The following VIRMA variants were observed in gnomAD, a reference collection of about 807,000 sequenced individuals.
The protein encoded by VIRMA is protein virilizer homolog.
In VIRMA, 65 loss-of-function variants were observed where a neutral mutation model predicts 182.4. That is an observed-to-expected ratio of 0.36 (90% CI 0.29 to 0.44). The LOEUF is 0.44. VIRMA is among the 20% of genes least tolerant of loss of function. The probability of loss-of-function intolerance (pLI) is 1.00; values close to 1 mark genes in which losing one functional copy is unlikely to be tolerated. For synonymous variants in VIRMA, 709 were observed against 743.1 expected (o/e 0.95, Z 0.75); for missense variants, 1,752 against 2,158.1 (o/e 0.81, Z 3.73).
At chr8:94,511,886 TA>T (rs1814392354) in intron 12 of VIRMA, 109 bp downstream of exon 12, 1 of 664,948 alleles carries the variant, frequency 1.5e-6, no homozygotes, top group South Asian at 5.3e-5. Flanking sequence ...TTTAAAATGA[TA>T]TTTTTCATTA....
Position 94,553,457 on chromosome 8 carries a change from G to C in VIRMA, c.-10C>G, listed in dbSNP as rs1312699059. ...CCGAGTCCACCGCCATGTTTGCCGC[G>C]GGCGGGGAACAGGGGGGAGGACTTC... On this transcript the variant is annotated 5_prime_UTR_variant, in exon 1 of 24. Coordinates refer to ENST00000297591, the MANE Select transcript of VIRMA (RefSeq NM_015496.5). The C allele has an allele frequency of 2.5e-6, 4 of 1,613,960 alleles. No individual in the cohort carries two copies. The highest frequency in any genetic ancestry group is 3.4e-6 in the Non-Finnish European group (4 of 1,179,854).
chr8:94,488,750 CACTAACAA>C lies in VIRMA; in HGVS notation c.5387_5394del (p.Phe1796TrpfsTer5). On this transcript the variant is annotated frameshift_variant, in exon 24 of 24. Transcript: ENST00000297591. LOFTEE classifies it high-confidence loss of function. Reference sequence around the variant, plus strand: ...ACATGACGACCTCTACCACTGCCTCCACTAACAAACTTTCCTCTTGAGCCTCCACTGCC... The same window carrying C: ...ACATGACGACCTCTACCACTGCCTCCACTTTCCTCTTGAGCCTCCACTGCC... 1 of 1,614,202 alleles carries C rather than the reference CACTAACAA, an allele frequency of 6.2e-7. No individual in the cohort carries two copies. Among genetic ancestry groups the C allele is most frequent in the Non-Finnish European group, 8.5e-7 (1 of 1,180,044 alleles).
rs200148396 is a variant in VIRMA at position 94,526,206 on chromosome 8, A to G, written c.2021+17T>C. ...TGATTTGTGAAATTTATTTCCCAAA[A>G]GGCAAACATGTCTTACCTAAAGAGA... On this transcript the variant is annotated intron_variant, in intron 8 of 23. Transcript: ENST00000297591. The G allele has an allele frequency of 1.2e-3, 1,893 of 1,541,142 alleles. 1 individual carries two copies. The highest frequency in any genetic ancestry group is 1.6e-3 in the Non-Finnish European group (1,812 of 1,145,122).
chr8:94,494,795 TA>T, intron 20 of VIRMA, 64 bp downstream of exon 20: 1 of 975,066 alleles, frequency 1.0e-6, no homozygotes, highest in Non-Finnish European at 1.6e-6. Flanking sequence ...ATTATAATGC[TA>T]ACAATATATA....
intron 8 of VIRMA, among the ~76,000 whole-genome samples, chr8:94,520,185 C>CAAAAAAAAA (rs757063695): frequency 1.1e-4 from 9 of 82,978 alleles, no homozygotes; most frequent in African/African-American, 4.3e-4. Context: ...GACCCTGCAT[C>CAAAAAAAAA]AAAAAAAAAA....
At chr8:94,492,871 A>T (rs1813650904) in intron 20 of VIRMA, 53 bp from the exon 21 acceptor site, 1 of 1,364,202 alleles carries the variant, frequency 7.3e-7, no homozygotes, top group Non-Finnish European at 1.0e-6. Context: ...TATTAGCATA[A>T]CATTTGACTA....
rs1814333380 is a variant in VIRMA at position 94,510,639 on chromosome 8, T to C, written c.3404A>G (p.His1135Arg). ...GGTGTTGAGTGCCACTGATATATCA[T>C]GTGGCTCAATAACCTGTTAAAAAAG... Reference protein sequence around the residue: ...PMQTTQVIEPHDISVALNTRK... With the variant: ...PMQTTQVIEPRDISVALNTRK... Residue 1135 changes from histidine (H) to arginine (R), a missense_variant, in exon 14 of 24, where the codon CAT becomes CGT. His to Arg is a conservative substitution (Grantham distance 29, BLOSUM62 0). This residue lies in a region of VIRMA where 777 missense variants were observed against 920.6 expected (regional missense o/e 0.84). Coordinates refer to ENST00000297591, the MANE Select transcript of VIRMA (RefSeq NM_015496.5). 5.6e-6 allele frequency: 9 copies of C among 1,608,618 alleles called. No homozygotes were observed. The highest frequency in any genetic ancestry group is 2.2e-5 in the East Asian group (1 of 44,856).
chr8:94,531,195 G>C (rs1163313482), intron 5 of VIRMA, 110 bp from the exon 6 acceptor site: 1 of 1,191,248 alleles, frequency 8.4e-7, no homozygotes, highest in Non-Finnish European at 1.1e-6. Flanking sequence ...TTAAAGCAAA[G>C]AGAGATCTAA....
chr8:94,526,493 C>T lies in VIRMA; in HGVS notation c.1751G>A (p.Ser584Asn), dbSNP rs1216054608. The stretch of plus-strand genomic sequence containing the variant: ...AGCATCTGTGTCGTGATCAGGTTCA[C>T]TGTGGTTAGGAAGAGATGAAGTCTT... The part of the protein sequence containing the change: ...AEKTSSLPNH[S>N]EPDHDTDAGL... Residue 584 changes from serine (S) to asparagine (N), a missense_variant, in exon 8 of 24, where the codon AGT (serine) becomes AAT (asparagine). Ser to Asn is a conservative substitution (Grantham distance 46). Around this residue, in one of 11 missense-constraint regions of VIRMA, gnomAD observed 401 missense variants for 455.1 expected, o/e 0.88. Transcript: ENST00000297591. The T allele has an allele frequency of 1.2e-6, 2 of 1,613,630 alleles. No individual in the cohort carries two copies. Among genetic ancestry groups the T allele is most frequent in the African/African-American group, 2.7e-5 (2 of 74,848 alleles).
In VIRMA at chr8:94,526,326, T is replaced by C; in HGVS notation, c.1918A>G (p.Thr640Ala). 6.2e-7 allele frequency: 1 copy of C among 1,614,034 alleles called. No homozygotes were observed. The highest frequency in any genetic ancestry group is 1.7e-5 in the Admixed American group (1 of 60,014). ...LLEEVFHLME[T>A]APHTMIQQPV... ...TGTTGGATCATTGTATGAGGGGCAG[T>C]TTCCATTAAATGAAAAACTTCTTCT... is the stretch of plus-strand genomic sequence containing the variant. Residue 640 changes from threonine (T) to alanine (A), a missense_variant, in exon 8 of 24, where the codon ACT becomes GCT. Transcript: ENST00000297591.
At chr8:94,503,861 T>A (rs1272999475) in intron 16 of VIRMA, among the ~76,000 whole-genome samples, 2 of 149,452 alleles carry the variant, frequency 1.3e-5, no homozygotes, top group African/African-American at 4.9e-5. Flanking sequence ...CCTGTTAATT[T>A]AAAAAAACCA....
intron 20 of VIRMA, among the ~76,000 whole-genome samples, chr8:94,494,490 G>A (rs1209343547): frequency 6.7e-6 from 1 of 150,074 alleles, no homozygotes; most frequent in East Asian, 2.0e-4. Context: ...TACTCAGGAG[G>A]CTGAGGCAGA....
At chr8:94,494,517 G>A (rs1172758478) in intron 20 of VIRMA, among the ~76,000 whole-genome samples, 1 of 141,422 alleles carries the variant, frequency 7.1e-6, no homozygotes, top group African/African-American at 2.7e-5. Context: ...ACTTGAACCC[G>A]GGAAACGGAG....
chr8:94,530,203 G>A (rs1254220266), intron 6 of VIRMA, among the ~76,000 whole-genome samples: 1 of 152,056 alleles, frequency 6.6e-6, no homozygotes, highest in Non-Finnish European at 1.5e-5. Context: ...CAAGTTAACT[G>A]GCTGACAGAA....
Position 94,526,224 on chromosome 8 carries a change from T to C in VIRMA, c.2020A>G (p.Arg674Gly), listed in dbSNP as rs749272492. The C allele has an allele frequency of 3.2e-6, 5 of 1,580,446 alleles. No homozygotes were observed. Among genetic ancestry groups the C allele is most frequent in the Middle Eastern group, 1.7e-4 (1 of 5,876 alleles). Residue 674 changes from arginine (R) to glycine (G), a missense_variant and splice_region_variant, in exon 8 of 24, where the codon AGA becomes GGA. Coordinates refer to ENST00000297591, the MANE Select transcript of VIRMA (RefSeq NM_015496.5). Reference sequence around the variant, plus strand: ...TCCCAAAAGGCAAACATGTCTTACCTAAAGAGAACAGGGTATGGATCATCC... The same window carrying C: ...TCCCAAAAGGCAAACATGTCTTACCCAAAGAGAACAGGGTATGGATCATCC... ...ERDDPYPVLF[R>G]YLHSHHFLEL...
chr8:94,493,397 A>G (rs1223162312), intron 20 of VIRMA, among the ~76,000 whole-genome samples: 1 of 152,254 alleles, frequency 6.6e-6, no homozygotes, highest in East Asian at 1.9e-4. Context: ...ACTTAAAGTT[A>G]AAAAATTAGT....
rs368843345 is a variant in VIRMA, at chr8:94,509,639, C to T, written c.3879+49G>A. On this transcript the variant is annotated intron_variant, in intron 15 of 23. Coordinates refer to ENST00000297591, the MANE Select transcript of VIRMA (RefSeq NM_015496.5). ...AGATGCTTAAATACACACACACACA[C>T]ACACACATACACATGCAGAGAGAGA... is the stretch of plus-strand genomic sequence containing the variant. 2.8e-6 allele frequency: 4 copies of T among 1,428,098 alleles called. No individual in the cohort carries two copies. Among genetic ancestry groups the T allele is most frequent in the Non-Finnish European group, 3.8e-6 (4 of 1,053,360 alleles). The allele number at this position is 1,428,098 out of a possible 1,614,324, so 88.5% of individuals were successfully genotyped here. A position where few individuals can be genotyped will look rare whatever the true frequency, so the allele number is the denominator to read the frequency against.
At position 94,506,971 on chromosome 8, in the gene VIRMA, A is replaced by G. The variant is rs373635098; in HGVS notation, c.3880-254T>C. Among the ~76,000 whole-genome samples, 77 of 152,244 alleles carry G rather than the reference A, an allele frequency of 5.1e-4. No homozygotes were observed. The South Asian group carries it at 7.9e-3, about 16-fold the overall frequency. On this transcript the variant is annotated intron_variant, in intron 15 of 23. Transcript: ENST00000297591. Reference sequence around the variant, plus strand: ...TGATTTACTTTTACTTTAAAACAACATCTTTCAAATTTTTTTTCTTTCAGT... The same window carrying G: ...TGATTTACTTTTACTTTAAAACAACGTCTTTCAAATTTTTTTTCTTTCAGT...
chr8:94,506,964 AAAC>A (rs2130294848), intron 15 of VIRMA, among the ~76,000 whole-genome samples: 2 of 152,292 alleles, frequency 1.3e-5, no homozygotes, highest in South Asian at 2.1e-4. Context: ...TTTTACTTTA[AAAC>A]AACATCTTTC....
Sources: allele counts gnomAD v4.1 joint callset (sites outside exome capture counted in the v4.1 genomes callset), GRCh38; gene constraint gnomAD v4.1.1; regional missense constraint gnomAD v4.1.1; transcripts MANE v1.5; gene names NCBI Gene and HGNC (gene_info 2026-07-23, HGNC 2026-07-21).